Variants in MMP19 observed in about 807,000 individuals in gnomAD.
MMP19 encodes the protein matrix metallopeptidase 19, also known as matrix metalloproteinase-19.
Under a neutral mutation model 46.6 loss-of-function variants are expected in MMP19, and 47 were observed. That is an observed-to-expected ratio of 1.01 (90% CI 0.80 to 1.29). The LOEUF (loss-of-function observed/expected upper bound fraction) is 1.29. MMP19 is among the 50% of genes most tolerant of loss of function. MMP19 has a pLI of 0.00. For missense variants in MMP19, 589 were observed against 643.5 expected (o/e 0.92, Z 0.92); for synonymous variants, 222 against 248.5 (o/e 0.89, Z 1.00).
chr12:55,838,197 C>A, intron 6 of MMP19, 190 bp from the exon 7 acceptor site: 1 of 651,540 alleles, frequency 1.5e-6, no homozygotes. Flanking sequence ...TTGCTCAGAG[C>A]GTTTCAGCTT....
rs1353688312 is a variant in MMP19 at position 55,840,826 on chromosome 12, G to A, written c.361C>T (p.Pro121Ser). Residue 121 changes from proline (P) to serine (S), a missense_variant, in exon 4 of 9, where the codon CCA becomes TCA. Transcript: ENST00000322569. ...AGGGCTGCCCGGGCTGTGTGGGGTG[G>A]AAGGGTGGAGGGCAGGTTCAAGATG... Reference protein sequence around the residue: ...FRILNLPSTLPPHTARAALRQ... With the variant: ...FRILNLPSTLSPHTARAALRQ... 1 of 1,609,130 alleles carries A rather than the reference G, an allele frequency of 6.2e-7. No individual in the cohort carries two copies.
At chr12:55,841,437 T>C in intron 2 of MMP19, 1 of 542,352 alleles carries the variant, frequency 1.8e-6, no homozygotes, top group Non-Finnish European at 3.3e-6. Flanking sequence ...TACTCCAGCT[T>C]CATCTCCCCA....
chr12:55,838,401 T>A, intron 6 of MMP19: 1 of 1,184,162 alleles, frequency 8.4e-7, no homozygotes, highest in South Asian at 1.3e-5. Context: ...CGTGGCAGCC[T>A]TGGTAAGTGC....
In MMP19 at chr12:55,837,824, C is replaced by G; in HGVS notation, c.1060+19G>C. ...GATTAGGCCCTCCTCAAGTAAGACA[C>G]TGTAACTAGCCTCCTTACCCTTAAA... On this transcript the variant is annotated intron_variant, in intron 7 of 8. Transcript: ENST00000322569. The G allele has an allele frequency of 6.3e-7, 1 of 1,596,588 alleles. No individual in the cohort carries two copies. Among genetic ancestry groups the G allele is most frequent in the Non-Finnish European group, 8.6e-7 (1 of 1,167,758 alleles).
At chr12:55,840,451 A>G (rs2136235376) in intron 4 of MMP19, among the ~76,000 whole-genome samples, 1 of 132,310 alleles carries the variant, frequency 7.6e-6, no homozygotes, top group East Asian at 2.5e-4. Context: ...AGGAGAGAGA[A>G]GGAGAGAAGG....
In MMP19 at chr12:55,839,525, T is replaced by C; in HGVS notation, c.737A>G (p.Asp246Gly). 6.2e-7 allele frequency: 1 copy of C among 1,612,254 alleles called. No individual in the cohort carries two copies. Among genetic ancestry groups the C allele is most frequent in the African/African-American group, 1.3e-5 (1 of 75,006 alleles). Reference protein sequence around the residue: ...GYRPHFKLHPDDVAGIQALYG... With the variant: ...GYRPHFKLHPGDVAGIQALYG... ...GAGAGCCTGGATCCCTGCCACATCA[T>C]CTGGGTGCAGCTTAAAGTGGGGCCG... is the stretch of plus-strand genomic sequence containing the variant. The change falls in exon 5 of 9, where the codon GAT (aspartate) becomes GGT (glycine). Residue 246 changes from aspartate to glycine, a missense_variant. Physicochemically the swap from Asp to Gly is moderately conservative, Grantham distance 94. Transcript: ENST00000322569.
intron 7 of MMP19, 23 bp from the exon 8 acceptor site, chr12:55,837,705 C>A (rs376134771): frequency 8.8e-5 from 142 of 1,613,950 alleles, no homozygotes; most frequent in Non-Finnish European, 1.1e-4. Context: ...GAGGAAAGAA[C>A]AAGTCACCTC....
rs1881763555 is a variant in MMP19, at chr12:55,842,438, C to G, written c.88G>C (p.Asp30His). 1 of 1,609,810 alleles carries G rather than the reference C, an allele frequency of 6.2e-7. No individual in the cohort carries two copies. Among genetic ancestry groups the G allele is most frequent in the Non-Finnish European group, 8.5e-7 (1 of 1,176,554 alleles). Residue 30 changes from aspartate to histidine, a missense_variant and splice_region_variant, in exon 2 of 9, where the codon GAC becomes CAC. By Grantham distance (81) the Asp-to-His change is moderately conservative. Transcript: ENST00000322569. ...VLGLAEVAPV[D>H]YLSQYGYLQK... ...AGGTACCCATATTGTGACAGGTAGT[C>G]CTATGATGGGAGTGGAGGTAAGCAG...
chr12:55,837,103 G>A lies in MMP19; in HGVS notation c.1460C>T (p.Thr487Ile). ...IDTTPSGGNTTPSGTGITLDT... is the reference protein window; with the variant it reads ...IDTTPSGGNTIPSGTGITLDT... ...CAAGGTTATGCCCGTACCTGAGGGA[G>A]TGGTATTCCCACCTGATGGGGTAGT... is the stretch of plus-strand genomic sequence containing the variant. Residue 487 changes from threonine (T) to isoleucine (I), a missense_variant, in exon 9 of 9, where the codon ACT (threonine) becomes ATT (isoleucine). Physicochemically the swap from Thr to Ile is moderately conservative, Grantham distance 89. Transcript: ENST00000322569. 3 of 1,612,182 alleles carry A rather than the reference G, an allele frequency of 1.9e-6. No individual in the cohort carries two copies. Among genetic ancestry groups the A allele is most frequent in the Non-Finnish European group, 2.5e-6 (3 of 1,178,830 alleles).
Position 55,836,894 on chromosome 12 carries a change from C to T in MMP19, c.*142G>A, listed in dbSNP as rs1881250315. On this transcript the variant is annotated 3_prime_UTR_variant, in exon 9 of 9. Transcript: ENST00000322569. The stretch of plus-strand genomic sequence containing the variant: ...AGGCCTGAGATCTACGGTCTTGCGC[C>T]TGCTACAGCACCTGCAAGGTTCTAC... 1.3e-6 allele frequency: 1 copy of T among 757,838 alleles called. No individual in the cohort carries two copies. The highest frequency in any genetic ancestry group is 1.7e-5 in the African/African-American group (1 of 57,278). 46.9% of individuals were successfully genotyped at this position (757,838 alleles called of 1,614,324 possible).
At chr12:55,838,079 GCTGA>G (rs1881393068) in intron 6 of MMP19, 72 bp from the exon 7 acceptor site, 4 of 1,421,004 alleles carry the variant, frequency 2.8e-6, no homozygotes, top group Non-Finnish European at 3.8e-6. Context: ...GGTATCTCAG[GCTGA>G]CTAACAATTT....
rs534395727 is a variant in MMP19, at chr12:55,836,902, G to A, written c.*134C>T. ...GATCTACGGTCTTGCGCCTGCTACA[G>A]CACCTGCAAGGTTCTACTGAGCAGA... On this transcript the variant is annotated 3_prime_UTR_variant, in exon 9 of 9. Transcript: ENST00000322569. 9.9e-6 allele frequency: 8 copies of A among 812,140 alleles called. No homozygotes were observed. The South Asian group carries it at 1.4e-4, about 15-fold the overall frequency. The allele number at this position is 812,140 out of a possible 1,614,324, so 50.3% of individuals were successfully genotyped here. A position where few individuals can be genotyped will look rare whatever the true frequency, so the allele number is the denominator to read the frequency against.
intron 6 of MMP19, 66 bp from the exon 7 acceptor site, chr12:55,838,073 T>C (rs1881392363): frequency 6.9e-7 from 1 of 1,458,722 alleles, no homozygotes; most frequent in East Asian, 2.3e-5. Context: ...CTTGGGGGTA[T>C]CTCAGGCTGA....
At chr12:55,840,915 C>T (rs1881646864) in intron 3 of MMP19, 33 bp from the exon 4 acceptor site, 2 of 1,544,294 alleles carry the variant, frequency 1.3e-6, no homozygotes, top group South Asian at 1.2e-5. Context: ...ATTAGAAATA[C>T]AGATCCTTCT....
chr12:55,840,943 C>A, intron 3 of MMP19, 61 bp from the exon 4 acceptor site: 1 of 1,531,358 alleles, frequency 6.5e-7, no homozygotes, highest in South Asian at 1.3e-5. Flanking sequence ...CCAGAGAGCT[C>A]CTCTGGGTTT....
chr12:55,841,258 G>C, intron 2 of MMP19, 22 bp from the exon 3 acceptor site: 1 of 1,605,574 alleles, frequency 6.2e-7, no homozygotes, highest in Non-Finnish European at 8.5e-7. Context: ...AGAGGGATGG[G>C]TCTACCAGGA....
intron 4 of MMP19, 112 bp from the exon 5 acceptor site, chr12:55,839,853 G>A (rs760879190): frequency 1.2e-5 from 16 of 1,352,308 alleles, no homozygotes; most frequent in Admixed American, 9.6e-5. Context: ...CCCCAGCTAT[G>A]TTCACTGTCT....
At position 55,837,978 on chromosome 12, in the gene MMP19, C is replaced by T. The variant is rs773155600; in HGVS notation, c.925G>A (p.Gly309Arg). ...TCTGATACAGTCCACACATAGTCCC[C>T]CTTGAAAGCATAGGTCTTCCCACGG... ...GPRGKTYAFK[G>R]DYVWTVSDSG... The change falls in exon 7 of 9, where the codon GGG becomes AGG. Residue 309 changes from glycine (G) to arginine (R), a missense_variant. Physicochemically the swap from Gly to Arg is moderately radical, Grantham distance 125. Coordinates refer to ENST00000322569, the MANE Select transcript of MMP19 (RefSeq NM_002429.6). 1.9e-6 allele frequency: 3 copies of T among 1,592,204 alleles called. No individual in the cohort carries two copies. The highest frequency in any genetic ancestry group is 2.6e-6 in the Non-Finnish European group (3 of 1,163,146).
Position 55,836,828 on chromosome 12 carries a change from A to C in MMP19, c.*208T>G. On this transcript the variant is annotated 3_prime_UTR_variant, in exon 9 of 9. Coordinates refer to ENST00000322569, the MANE Select transcript of MMP19 (RefSeq NM_002429.6). ...GTTAGGGGAGCACTTCTCAGGAGTG[A>C]AAATGCACAGGAAAGTGGTGGCTGG... 1 of 501,750 alleles carries C rather than the reference A, an allele frequency of 2.0e-6. No individual in the cohort carries two copies. Among genetic ancestry groups the C allele is most frequent in the Non-Finnish European group, 3.5e-6 (1 of 286,230 alleles). 31.1% of individuals were successfully genotyped at this position (501,750 alleles called of 1,614,324 possible). A position where few individuals can be genotyped will look rare whatever the true frequency, so the allele number is the denominator to read the frequency against.
Sources: gnomAD v4.1 joint callset for allele counts (sites outside exome capture counted in the v4.1 genomes callset) on GRCh38, gnomAD v4.1.1 for gene constraint, MANE v1.5 for transcripts, NCBI Gene and HGNC (gene_info 2026-07-23, HGNC 2026-07-21) for gene names.